The following ORC4 variants were observed in gnomAD, a reference collection of about 807,000 sequenced individuals.
ORC4 encodes origin recognition complex, subunit 4 homolog.
In ORC4, 55 loss-of-function variants were observed where a neutral mutation model predicts 63.9. The observed-to-expected ratio is 0.86, with a 90% CI of 0.69 to 1.08. The LOEUF (loss-of-function observed/expected upper bound fraction) is 1.08. Among genes scored for constraint, ORC4 ranks in the 50% least tolerant of loss-of-function variants. The probability of loss-of-function intolerance (pLI) is 0.00; values close to 1 mark genes in which losing one functional copy is unlikely to be tolerated. For missense variants in ORC4, 511 were observed against 504.4 expected (o/e 1.01, Z -0.13); for synonymous variants, 150 against 168.5 (o/e 0.89, Z 0.85).
At chr2:147,979,593 T>A (rs748699559) in intron 1 of ORC4, among the ~76,000 whole-genome samples, 1 of 152,068 alleles carries the variant, frequency 6.6e-6, no homozygotes, top group African/African-American at 2.4e-5. Context: ...CTAAAATTCA[T>A]ATGGACCCAC....
Position 147,967,495 on chromosome 2 carries a change from A to G in ORC4, c.225+5244T>C, listed in dbSNP as rs577307373. ...ACCAGTACTGTTTGTATATACTAACAACAAACTACCCGAAAAAAAAAAATC... is the reference window on the plus strand; with the variant it reads ...ACCAGTACTGTTTGTATATACTAACGACAAACTACCCGAAAAAAAAAAATC... On this transcript the variant is annotated intron_variant, in intron 4 of 13. Coordinates refer to ENST00000392857, the MANE Select transcript of ORC4 (RefSeq NM_181741.4). Among the ~76,000 whole-genome samples, 5 of 152,014 alleles carry G rather than the reference A, an allele frequency of 3.3e-5. No individual in the cohort carries two copies. In the East Asian group the frequency reaches 9.7e-4, roughly 29 times the overall value.
intron 6 of ORC4, among the ~76,000 whole-genome samples, chr2:147,957,393 C>T (rs1164781437): frequency 1.3e-5 from 2 of 151,754 alleles, no homozygotes; most frequent in Non-Finnish European, 2.9e-5. Context: ...AGCGATGCCA[C>T]CGCATGGTCA....
chr2:147,960,624 T>C (rs1689537336), intron 4 of ORC4, among the ~76,000 whole-genome samples: 1 of 152,130 alleles, frequency 6.6e-6, no homozygotes, highest in Non-Finnish European at 1.5e-5. Flanking sequence ...CAACTTATAC[T>C]ATTCCCAAAT....
At chr2:147,970,369 T>C (rs1267810725) in intron 4 of ORC4, among the ~76,000 whole-genome samples, 2 of 152,116 alleles carry the variant, frequency 1.3e-5, no homozygotes, top group Admixed American at 1.3e-4. Flanking sequence ...AGGCAAAGTA[T>C]GCAGACAGCC....
At chr2:147,996,975 A>T (rs527481660) in intron 1 of ORC4, among the ~76,000 whole-genome samples, 13 of 152,344 alleles carry the variant, frequency 8.5e-5, no homozygotes, top group African/African-American at 3.1e-4. Flanking sequence ...AGTTTTATTT[A>T]TAATTGCCAA....
intron 1 of ORC4, among the ~76,000 whole-genome samples, chr2:148,006,636 T>G (rs753251289): frequency 2.6e-5 from 4 of 152,120 alleles, no homozygotes; most frequent in Non-Finnish European, 5.9e-5. Context: ...GATAGCAAGC[T>G]TTTGCTCCGG....
chr2:148,016,604 C>T (rs1693306820), intron 1 of ORC4, among the ~76,000 whole-genome samples: 1 of 152,194 alleles, frequency 6.6e-6, no homozygotes, highest in Non-Finnish European at 1.5e-5. Flanking sequence ...ATCTCTACAA[C>T]TTTTTTCAGG....
At chr2:147,968,734 A>G (rs1359020266) in intron 4 of ORC4, among the ~76,000 whole-genome samples, 1 of 152,050 alleles carries the variant, frequency 6.6e-6, no homozygotes, top group Non-Finnish European at 1.5e-5. Context: ...TTCCCCAAAA[A>G]CCACTACAAA....
chr2:148,009,022 A>G (rs1692791012), intron 1 of ORC4, among the ~76,000 whole-genome samples: 1 of 152,198 alleles, frequency 6.6e-6, no homozygotes, highest in South Asian at 2.1e-4. Context: ...GGGATGGAGT[A>G]GAAGTGTACA....
chr2:147,940,099 G>A (rs1432086759), intron 10 of ORC4, among the ~76,000 whole-genome samples: 4 of 152,086 alleles, frequency 2.6e-5, no homozygotes, highest in African/African-American at 9.7e-5. Flanking sequence ...TCTCCTACTG[G>A]TTGGGACCTA....
rs1689003956 is a variant in ORC4 at position 147,952,396 on chromosome 2, C to G, written c.565G>C (p.Val189Leu). ...ACCAATCTACATGTAAGACCAATAA[C>G]TGCTATTGGGGTCTGTGCAGACTGA... is the stretch of plus-strand genomic sequence containing the variant. The part of the protein sequence containing the change: ...ISQSAQTPIA[V>L]IGLTCRLDIL... The change falls in exon 8 of 14, where the codon GTT (valine) becomes CTT (leucine). Residue 189 changes from valine to leucine, a missense_variant. Coordinates refer to ENST00000392857, the MANE Select transcript of ORC4 (RefSeq NM_181741.4). The G allele has an allele frequency of 6.2e-7, 1 of 1,608,636 alleles. No individual in the cohort carries two copies. The highest frequency in any genetic ancestry group is 8.5e-7 in the Non-Finnish European group (1 of 1,175,492).
At position 147,935,403 on chromosome 2, in the gene ORC4, T is replaced by C. The variant is rs112659436; in HGVS notation, c.*107A>G. ...AGTAGATGGGCAAGTCTCACATAAA[T>C]ACAAGAATGTTTATAGAATGTTTAG... On this transcript the variant is annotated 3_prime_UTR_variant, in exon 14 of 14. Coordinates refer to ENST00000392857, the MANE Select transcript of ORC4 (RefSeq NM_181741.4). 5.0e-5 allele frequency: 43 copies of C among 854,422 alleles called. 2 individuals carry two copies. Among genetic ancestry groups the C allele is most frequent in the African/African-American group, 4.9e-4 (30 of 60,678 alleles). 52.9% of individuals were successfully genotyped at this position (854,422 alleles called of 1,614,324 possible). A position where few individuals can be genotyped will look rare whatever the true frequency, so the allele number is the denominator to read the frequency against.
chr2:147,939,553 AAAAT>A (rs1358404653), intron 10 of ORC4, among the ~76,000 whole-genome samples: 1 of 152,152 alleles, frequency 6.6e-6, no homozygotes, highest in African/African-American at 2.4e-5. Context: ...GAAGAAACTG[AAAAT>A]AATTAAGAAT....
intron 1 of ORC4, among the ~76,000 whole-genome samples, chr2:147,978,276 C>T (rs2105362916): frequency 6.6e-6 from 1 of 152,334 alleles, no homozygotes; most frequent in East Asian, 1.9e-4. Context: ...TGCAGGATTT[C>T]TGTAAGACTG....
intron 1 of ORC4, among the ~76,000 whole-genome samples, chr2:147,996,043 G>T (rs1263624338): frequency 1.3e-5 from 2 of 151,274 alleles, no homozygotes. Flanking sequence ...GGTGGCTTAC[G>T]CCTGTAATCC....
At chr2:148,010,413 G>C (rs1477391628) in intron 1 of ORC4, among the ~76,000 whole-genome samples, 2 of 151,460 alleles carry the variant, frequency 1.3e-5, no homozygotes, top group East Asian at 1.9e-4. Flanking sequence ...AAATGAAAAG[G>C]GTTGTTTGGA....
intron 1 of ORC4, among the ~76,000 whole-genome samples, chr2:148,006,743 G>A (rs545010567): frequency 6.6e-6 from 1 of 152,340 alleles, no homozygotes; most frequent in South Asian, 2.1e-4. Context: ...TAACTAAAGT[G>A]GCCTTTGGCC....
intron 9 of ORC4, among the ~76,000 whole-genome samples, chr2:147,944,102 G>A (rs146152530): frequency 1.3e-5 from 2 of 152,028 alleles, no homozygotes; most frequent in African/African-American, 4.8e-5. Context: ...AGGTAAAGTG[G>A]GTCGGAATTA....
chr2:147,979,249 T>C (rs956178776), intron 1 of ORC4, among the ~76,000 whole-genome samples: 10 of 152,262 alleles, frequency 6.6e-5, no homozygotes, highest in African/African-American at 2.4e-4. Flanking sequence ...TACTAATACA[T>C]ACAGTAAAGT....
Sources: gnomAD v4.1 joint callset for allele counts (sites outside exome capture counted in the v4.1 genomes callset) on GRCh38, gnomAD v4.1.1 for gene constraint, MANE v1.5 for transcripts, NCBI Gene and HGNC (gene_info 2026-07-23, HGNC 2026-07-21) for gene names.